The following SRP68 variants were observed in gnomAD, a reference collection of about 807,000 sequenced individuals.
The protein encoded by SRP68 is signal recognition particle subunit SRP68.
A neutral mutation model predicts 82.2 loss-of-function variants in SRP68; 15 were observed. That is an observed-to-expected ratio of 0.18 (90% CI 0.12 to 0.28). SRP68 has a LOEUF of 0.28. SRP68 is among the 10% of genes least tolerant of loss of function. SRP68 has a pLI of 1.00. For synonymous variants in SRP68, 261 were observed against 292.6 expected (o/e 0.89, Z 1.10); for missense variants, 595 against 780.5 (o/e 0.76, Z 2.83).
At chr17:76,056,153 T>C (rs1402260857) in intron 8 of SRP68, among the ~76,000 whole-genome samples, 1 of 152,114 alleles carries the variant, frequency 6.6e-6, no homozygotes, top group African/African-American at 2.4e-5. Flanking sequence ...GCTTTTCCTG[T>C]TCTTCATTTG....
chr17:76,060,579 T>C (rs540535169), intron 6 of SRP68, 189 bp from the exon 7 acceptor site: 2 of 563,880 alleles, frequency 3.5e-6, no homozygotes, highest in African/African-American at 1.9e-5. Context: ...AAATACTCCA[T>C]ATGGTATATA....
At chr17:76,053,679 TCA>T (rs1418156564) in intron 8 of SRP68, 1 of 983,144 alleles carries the variant, frequency 1.0e-6, no homozygotes, top group East Asian at 1.1e-4. Flanking sequence ...GGGACTTAAG[TCA>T]GTTGTGTTTT....
chr17:76,041,830 C>G (rs796456251), intron 13 of SRP68, among the ~76,000 whole-genome samples: 6 of 152,230 alleles, frequency 3.9e-5, no homozygotes, highest in African/African-American at 1.4e-4. Context: ...TGAGCTTGCA[C>G]GGGATCCAGC....
In SRP68 at chr17:76,039,764, T is replaced by C; in HGVS notation, c.1826A>G (p.Gln609Arg). 6.2e-7 allele frequency: 1 copy of C among 1,614,256 alleles called. No individual in the cohort carries two copies. Among genetic ancestry groups the C allele is most frequent in the Non-Finnish European group, 8.5e-7 (1 of 1,180,054 alleles). Residue 609 changes from glutamine (Q) to arginine (R), a missense_variant, in exon 16 of 16, where the codon CAG (glutamine) becomes CGG (arginine). By Grantham distance (43) the Gln-to-Arg change is conservative. Transcript: ENST00000307877. The stretch of plus-strand genomic sequence containing the variant: ...TCCAGTGAGGCCACTCTTGGTCTTC[T>C]GTTCCAACTTGTCCTCAAGGGGTGG... ...AFPPLEDKLE[Q>R]KTKSGLTGYI... is the part of the protein sequence containing the mutation.
rs764685294 is a variant in SRP68, at chr17:76,046,139, T to G, written c.1198A>C (p.Lys400Gln). Residue 400 changes from lysine (K) to glutamine (Q), a missense_variant, in exon 11 of 16, where the codon AAA becomes CAA. By Grantham distance (53) the Lys-to-Gln change is moderately conservative. This residue lies in a region of SRP68 where 495 missense variants were observed against 688.6 expected (regional missense o/e 0.72). Transcript: ENST00000307877. ...TAIKRNENMA[K>Q]GLQRALLQQQ... is the part of the protein sequence containing the mutation. ...TGCAGCAGAGCCCTCTGCAGACCTTTGGCCATGTTCTCATTACGCTTGATT... is the reference window on the plus strand; with the variant it reads ...TGCAGCAGAGCCCTCTGCAGACCTTGGGCCATGTTCTCATTACGCTTGATT... 2 of 1,613,954 alleles carry G rather than the reference T, an allele frequency of 1.2e-6. No homozygotes were observed. The highest frequency in any genetic ancestry group is 2.2e-5 in the South Asian group (2 of 91,076).
At chr17:76,039,995 C>A in intron 15 of SRP68, 62 bp from the exon 16 acceptor site, 1 of 1,528,002 alleles carries the variant, frequency 6.5e-7, no homozygotes, top group South Asian at 1.2e-5. Flanking sequence ...GGTGAACATT[C>A]CTGAGTGCCG....
At chr17:76,049,120 A>G (rs1009166851) in intron 9 of SRP68, 3 of 152,224 alleles carry the variant, frequency 2.0e-5, no homozygotes, top group African/African-American at 7.2e-5. Context: ...AGTTCTGGAG[A>G]TGGACTGTTG....
intron 13 of SRP68, chr17:76,041,636 G>A (rs2144478508): frequency 6.6e-6 from 1 of 152,288 alleles, no homozygotes; most frequent in Non-Finnish European, 1.5e-5. Flanking sequence ...GATATTCCAT[G>A]GTGGTGACGC....
intron 3 of SRP68, among the ~76,000 whole-genome samples, chr17:76,066,664 G>T: frequency 7.0e-6 from 1 of 143,694 alleles, no homozygotes. Context: ...GAAGGGAGAA[G>T]AAGCTTCCCT....
rs569895717 is a variant in SRP68 at position 76,061,227 on chromosome 17, A to G, written c.645-8T>C. 5.4e-4 allele frequency: 853 copies of G among 1,593,028 alleles called. 12 individuals are homozygous for G. In the South Asian group the frequency reaches 9.0e-3, roughly 17 times the overall value. On this transcript the variant is annotated splice_polypyrimidine_tract_variant and splice_region_variant and intron_variant, in intron 5 of 15. Coordinates refer to ENST00000307877, the MANE Select transcript of SRP68 (RefSeq NM_014230.4). ...AGCTTCTCATAGATAGTTCTGCGAG[A>G]AAAGAAAAGCCAGGTTTTACATCAG... is the stretch of plus-strand genomic sequence containing the variant.
intron 13 of SRP68, among the ~76,000 whole-genome samples, chr17:76,041,984 C>G (rs183850953): frequency 3.3e-5 from 5 of 151,996 alleles, no homozygotes; most frequent in African/African-American, 2.4e-5. Flanking sequence ...CCCGCGTTCA[C>G]GCCATTCTCC....
At chr17:76,051,676 A>G (rs1046009341) in intron 8 of SRP68, among the ~76,000 whole-genome samples, 1 of 152,136 alleles carries the variant, frequency 6.6e-6, no homozygotes, top group Admixed American at 6.5e-5. Context: ...TACAAATCAA[A>G]CATACTTTTC....
At chr17:76,050,743 T>TTTTTTTTTTTTTTTTTTTTTTTGAGAC (rs1555628151) in intron 8 of SRP68, among the ~76,000 whole-genome samples, 2 of 147,406 alleles carry the variant, frequency 1.4e-5, no homozygotes, top group East Asian at 2.0e-4. Context: ...GTTCTATTTT[T>TTTTTTTTTTTTTTTTTTTTTTTGAGAC]AAAAGCAAAC....
intron 7 of SRP68, 113 bp downstream of exon 7, chr17:76,060,195 T>A: frequency 2.4e-6 from 1 of 424,028 alleles, no homozygotes; most frequent in Non-Finnish European, 4.1e-6. Flanking sequence ...AGATATTTGC[T>A]AATACAGATA....
chr17:76,050,954 C>T (rs2066668127), intron 8 of SRP68, among the ~76,000 whole-genome samples: 1 of 151,994 alleles, frequency 6.6e-6, no homozygotes, highest in Non-Finnish European at 1.5e-5. Flanking sequence ...TCTTTTCCTT[C>T]CAGAACAAAC....
Position 76,039,238 on chromosome 17 carries a change from G to A in SRP68, c.*468C>T. ...CTGGGAGGTGAAGGGGAATAAGGCT[G>A]ACCGTAATTCTGGGGTGACGTTGCC... On this transcript the variant is annotated 3_prime_UTR_variant, in exon 16 of 16. Coordinates refer to ENST00000307877, the MANE Select transcript of SRP68 (RefSeq NM_014230.4). The A allele has an allele frequency of 2.3e-6, 1 of 431,736 alleles. No homozygotes were observed. Among genetic ancestry groups the A allele is most frequent in the South Asian group, 1.6e-5 (1 of 61,206 alleles). 26.7% of individuals were successfully genotyped at this position (431,736 alleles called of 1,614,324 possible).
At chr17:76,047,335 T>A (rs2066639567) in intron 10 of SRP68, among the ~76,000 whole-genome samples, 1 of 152,194 alleles carries the variant, frequency 6.6e-6, no homozygotes, top group Non-Finnish European at 1.5e-5. Context: ...CCCAAAGTAT[T>A]GGGATTACAG....
intron 8 of SRP68, among the ~76,000 whole-genome samples, chr17:76,051,319 C>T (rs930140568): frequency 6.6e-6 from 1 of 152,256 alleles, no homozygotes; most frequent in African/African-American, 2.4e-5. Flanking sequence ...AGAATCTGAC[C>T]GAGCAGATAG....
At chr17:76,057,334 A>G (rs2066719939) in intron 8 of SRP68, 69 bp downstream of exon 8, 4 of 1,589,410 alleles carry the variant, frequency 2.5e-6, no homozygotes, top group Non-Finnish European at 3.4e-6. Context: ...ACGAGCCACT[A>G]CATCTTAAAC....
Sources: gnomAD v4.1 joint callset for allele counts (sites outside exome capture counted in the v4.1 genomes callset) on GRCh38, gnomAD v4.1.1 for gene constraint, gnomAD v4.1.1 regional missense constraint, MANE v1.5 for transcripts, NCBI Gene and HGNC (gene_info 2026-07-23, HGNC 2026-07-21) for gene names.